Variants in SERGEF observed in about 807,000 individuals in gnomAD.
The protein encoded by SERGEF is secretion-regulating guanine nucleotide exchange factor.
SERGEF carries 51 observed loss-of-function variants against 50.0 expected under a neutral mutation model. The ratio of observed to expected loss-of-function variants is 1.02; its 90% confidence interval spans 0.81 to 1.29. The LOEUF (loss-of-function observed/expected upper bound fraction) is 1.29, where lower values mean the gene tolerates loss of function less well. Among genes scored for constraint, SERGEF ranks in the 50% most tolerant of loss-of-function variants. The pLI, the probability that SERGEF is intolerant of heterozygous loss-of-function variation, is 0.00. For synonymous variants in SERGEF, 205 were observed against 212.4 expected, an observed-to-expected ratio of 0.97 and a Z score of 0.30; for missense variants, 521 against 557.0, an observed-to-expected ratio of 0.94 and a Z score of 0.65.
At chr11:17,916,995 G>T (rs186544323) in intron 9 of SERGEF, among the ~76,000 whole-genome samples, 1 of 152,312 alleles carries the variant, frequency 6.6e-6, no homozygotes, top group Admixed American at 6.5e-5. Flanking sequence ...AGCCACTACA[G>T]GAAACAGTGT....
At chr11:17,866,805 G>A (rs1356129429) in intron 10 of SERGEF, 1 of 152,238 alleles carries the variant, frequency 6.6e-6, no homozygotes, top group African/African-American at 2.4e-5. Context: ...CCATGTGGTT[G>A]GGGAGGCCTC....
rs527353973 is a variant in SERGEF, at chr11:17,994,463, G to C, written c.622+1333C>G. On this transcript the variant is annotated intron_variant, in intron 6 of 10. Transcript: ENST00000265965. Reference sequence around the variant, plus strand: ...TGCACTCCAGCCTGGGCGACAGAGTGAGACTCTGTCTCAAAAAAAAAAAAA... The same window carrying C: ...TGCACTCCAGCCTGGGCGACAGAGTCAGACTCTGTCTCAAAAAAAAAAAAA... Among the ~76,000 whole-genome samples, 3 of 106,096 alleles carry C rather than the reference G, an allele frequency of 2.8e-5. No homozygotes were observed. In the East Asian group the frequency reaches 9.4e-4, roughly 33 times the overall value. The allele number at this position is 106,096 out of a possible 152,430, so 69.6% of individuals were successfully genotyped here.
At chr11:17,830,604 GA>G (rs869097888) in intron 10 of SERGEF, among the ~76,000 whole-genome samples, 1 of 38,910 alleles carries the variant, frequency 2.6e-5, no homozygotes, top group Non-Finnish European at 5.1e-5. Flanking sequence ...GAGAGGTGGA[GA>G]GAGAGAGAGA....
intron 9 of SERGEF, among the ~76,000 whole-genome samples, chr11:17,917,968 A>G (rs1852080211): frequency 6.6e-6 from 1 of 152,238 alleles, no homozygotes; most frequent in Non-Finnish European, 1.5e-5. Context: ...AGTACTTACT[A>G]GGCACTGTCC....
chr11:17,923,861 A>G (rs182538670), intron 9 of SERGEF, among the ~76,000 whole-genome samples: 1 of 152,282 alleles, frequency 6.6e-6, no homozygotes, highest in Non-Finnish European at 1.5e-5. Flanking sequence ...TACCTGTCTC[A>G]CCTGCTACAT....
At chr11:17,829,276 T>C (rs1308175930) in intron 10 of SERGEF, among the ~76,000 whole-genome samples, 1 of 152,220 alleles carries the variant, frequency 6.6e-6, no homozygotes, top group African/African-American at 2.4e-5. Context: ...GCAAACTTTA[T>C]TGTGCATAAA....
intron 10 of SERGEF, among the ~76,000 whole-genome samples, chr11:17,832,536 A>G (rs1396115641): frequency 6.6e-6 from 1 of 152,184 alleles, no homozygotes; most frequent in African/African-American, 2.4e-5. Flanking sequence ...GATACCCGAA[A>G]AAGTGGAAGT....
chr11:17,872,065 T>A (rs771317175), intron 10 of SERGEF, among the ~76,000 whole-genome samples: 12 of 152,204 alleles, frequency 7.9e-5, no homozygotes, highest in Non-Finnish European at 1.6e-4. Flanking sequence ...AGTAGAATAT[T>A]ACCAAGCATT....
chr11:17,943,538 C>T (rs1242838201), intron 9 of SERGEF, among the ~76,000 whole-genome samples: 1 of 151,786 alleles, frequency 6.6e-6, no homozygotes, highest in Non-Finnish European at 1.5e-5. Flanking sequence ...TTTTATTTTT[C>T]TCTCCTTTCT....
At chr11:17,998,462 T>TGC (rs1338442530) in intron 5 of SERGEF, among the ~76,000 whole-genome samples, 2 of 68,408 alleles carry the variant, frequency 2.9e-5, no homozygotes, top group Non-Finnish European at 4.0e-5. Context: ...TATATATATA[T>TGC]ATATATATAT....
chr11:17,886,228 T>C (rs553054573), intron 9 of SERGEF, among the ~76,000 whole-genome samples: 2 of 152,284 alleles, frequency 1.3e-5, no homozygotes, highest in African/African-American at 4.8e-5. Flanking sequence ...TTGACCCTGT[T>C]CTACAGATAC....
chr11:17,845,850 T>C (rs137876936), intron 10 of SERGEF, among the ~76,000 whole-genome samples: 29 of 152,256 alleles, frequency 1.9e-4, no homozygotes, highest in African/African-American at 6.7e-4. Flanking sequence ...GGGAATTGGG[T>C]GCTTAGAAAT....
chr11:17,841,158 G>T (rs1368166974), intron 10 of SERGEF, among the ~76,000 whole-genome samples: 1 of 152,172 alleles, frequency 6.6e-6, no homozygotes, highest in African/African-American at 2.4e-5. Context: ...CCCCCAGAGA[G>T]GCTGGATCTG....
intron 8 of SERGEF, among the ~76,000 whole-genome samples, chr11:17,964,932 C>T (rs1181790382): frequency 6.6e-6 from 1 of 152,242 alleles, no homozygotes; most frequent in Non-Finnish European, 1.5e-5. Flanking sequence ...CACCTAGCAT[C>T]ATCTTCCTGT....
intron 9 of SERGEF, among the ~76,000 whole-genome samples, chr11:17,885,605 T>A (rs538192578): frequency 6.6e-6 from 1 of 152,106 alleles, no homozygotes; most frequent in Non-Finnish European, 1.5e-5. Context: ...ATAACAGGCA[T>A]GACCCACCGT....
chr11:17,805,855 G>T (rs1849750769), intron 10 of SERGEF, among the ~76,000 whole-genome samples: 1 of 152,192 alleles, frequency 6.6e-6, no homozygotes, highest in African/African-American at 2.4e-5. Context: ...CAGTGCTGTG[G>T]TGAGGCTCAT....
chr11:17,913,933 G>A (rs986531170), intron 9 of SERGEF, among the ~76,000 whole-genome samples: 22 of 152,178 alleles, frequency 1.4e-4, no homozygotes, highest in Admixed American at 1.2e-3. Flanking sequence ...GGCAGCCAGG[G>A]AAGGCTTTGA....
At chr11:17,869,040 T>TG (rs1354081528) in intron 10 of SERGEF, among the ~76,000 whole-genome samples, 1 of 152,108 alleles carries the variant, frequency 6.6e-6, no homozygotes, top group Non-Finnish European at 1.5e-5. Context: ...CAGCCTGCCT[T>TG]GACTTCCCAA....
intron 8 of SERGEF, among the ~76,000 whole-genome samples, chr11:17,974,002 G>A (rs1202799977): frequency 3.3e-5 from 5 of 152,194 alleles, no homozygotes; most frequent in African/African-American, 9.7e-5. Context: ...GGTTGGGAGA[G>A]GTTTGGGGTT....
Sources: allele counts gnomAD v4.1 joint callset (sites outside exome capture counted in the v4.1 genomes callset), GRCh38; gene constraint gnomAD v4.1.1; transcripts MANE v1.5; gene names NCBI Gene and HGNC (gene_info 2026-07-23, HGNC 2026-07-21).